Variants in SCHIP1 observed in about 807,000 individuals in gnomAD.
The protein encoded by SCHIP1 is schwannomin-interacting protein 1.
Under a neutral mutation model 29.7 loss-of-function variants are expected in SCHIP1, and 8 were observed. The observed-to-expected ratio is 0.27, with a 90% confidence interval of 0.16 to 0.49. SCHIP1 has a LOEUF of 0.49. SCHIP1 is among the 20% of genes least tolerant of loss of function. The pLI is 0.99. For missense variants in SCHIP1, 193 were observed against 294.6 expected (o/e 0.66, Z 2.52); for synonymous variants, 76 against 94.9 (o/e 0.80, Z 1.16).
chr3:159,334,211 T>C, the SCHIP1 span, among the ~76,000 whole-genome samples: 2 of 152,164 alleles, frequency 1.3e-5, no homozygotes, highest in African/African-American at 4.8e-5. Context: ...TGACAGATCA[T>C]CTGAAAGTGT....
the SCHIP1 span, among the ~76,000 whole-genome samples, chr3:159,787,244 T>C: frequency 3.3e-5 from 5 of 152,250 alleles, no homozygotes; most frequent in Non-Finnish European, 7.3e-5. Flanking sequence ...GGACTGAATA[T>C]AGGATACGAG....
At chr3:159,493,221 A>G in the SCHIP1 span, among the ~76,000 whole-genome samples, 1 of 152,250 alleles carries the variant, frequency 6.6e-6, no homozygotes, top group Admixed American at 6.5e-5. Flanking sequence ...AGCTAACATC[A>G]TAATGACAGG....
At chr3:159,806,168 C>G in the SCHIP1 span, among the ~76,000 whole-genome samples, 1 of 151,830 alleles carries the variant, frequency 6.6e-6, no homozygotes, top group Non-Finnish European at 1.5e-5. Flanking sequence ...GCATGTTATA[C>G]GAATGGGAAA....
chr3:159,625,493 CA>C, the SCHIP1 span, among the ~76,000 whole-genome samples: 13 of 152,160 alleles, frequency 8.5e-5, no homozygotes. Context: ...TCCTCTTTCT[CA>C]AAGAATATTA....
chr3:159,762,169 T>C, the SCHIP1 span, among the ~76,000 whole-genome samples: 1 of 152,186 alleles, frequency 6.6e-6, no homozygotes, highest in Non-Finnish European at 1.5e-5. Flanking sequence ...TCAAACCGTA[T>C]TTGGAGCACA....
the SCHIP1 span, among the ~76,000 whole-genome samples, chr3:159,596,725 C>G: frequency 2.0e-5 from 3 of 150,806 alleles, no homozygotes; most frequent in South Asian, 6.3e-4. Flanking sequence ...TGCAGGTTCT[C>G]ACTTATAGGT....
At chr3:159,367,310 T>A in the SCHIP1 span, among the ~76,000 whole-genome samples, 2 of 151,752 alleles carry the variant, frequency 1.3e-5, no homozygotes, top group African/African-American at 2.4e-5. Flanking sequence ...AAGAATTGCT[T>A]GAACCGGGGA....
chr3:159,324,270 A>T, the SCHIP1 span, among the ~76,000 whole-genome samples: 3 of 152,152 alleles, frequency 2.0e-5, no homozygotes, highest in Admixed American at 1.3e-4. Flanking sequence ...TTAGAAATAC[A>T]TTCCTGAAAG....
At chr3:159,279,667 C>A in the SCHIP1 span, among the ~76,000 whole-genome samples, 4,722 of 137,722 alleles carry the variant, frequency 0.034, 93 homozygotes, top group Non-Finnish European at 0.048. Context: ...CAGCCTTGAC[C>A]ATTGCTAATT....
chr3:159,427,761 A>C, the SCHIP1 span, among the ~76,000 whole-genome samples: 1 of 152,154 alleles, frequency 6.6e-6, no homozygotes, highest in South Asian at 2.1e-4. Flanking sequence ...AAAAGAACAA[A>C]GCTGGAGGCA....
the SCHIP1 span, among the ~76,000 whole-genome samples, chr3:159,594,543 A>G: frequency 2.0e-5 from 3 of 152,196 alleles, no homozygotes; most frequent in Admixed American, 1.3e-4. Flanking sequence ...CCACTAAACC[A>G]GCCATCAGTT....
chr3:159,476,556 C>T, the SCHIP1 span, among the ~76,000 whole-genome samples: 12 of 152,042 alleles, frequency 7.9e-5, no homozygotes, highest in African/African-American at 2.9e-4. Context: ...TATCAGTGTG[C>T]ACTATGAATA....
chr3:159,534,378 C>T, the SCHIP1 span, among the ~76,000 whole-genome samples: 2 of 152,056 alleles, frequency 1.3e-5, no homozygotes, highest in East Asian at 1.9e-4. Context: ...TGATTGCTAT[C>T]GCAGATAAAA....
chr3:159,428,695 G>A, the SCHIP1 span, among the ~76,000 whole-genome samples: 1 of 151,076 alleles, frequency 6.6e-6, no homozygotes, highest in Non-Finnish European at 1.5e-5. Flanking sequence ...CCCATTACTG[G>A]GTATATACCC....
the SCHIP1 span, among the ~76,000 whole-genome samples, chr3:159,825,337 C>T: frequency 1.3e-5 from 2 of 152,112 alleles, no homozygotes; most frequent in African/African-American, 4.8e-5. Flanking sequence ...CATCCATGTC[C>T]CTGAGGCACA....
At chr3:159,463,434 A>G in the SCHIP1 span, among the ~76,000 whole-genome samples, 3 of 152,080 alleles carry the variant, frequency 2.0e-5, no homozygotes, top group African/African-American at 7.2e-5. Context: ...GCTACTTGCC[A>G]AGTACTCTGT....
the SCHIP1 span, among the ~76,000 whole-genome samples, chr3:159,606,101 C>T: frequency 4.9e-4 from 75 of 152,292 alleles, no homozygotes; most frequent in Non-Finnish European, 9.8e-4. Context: ...GCAGAATTGG[C>T]AGTCTCTGCA....
At chr3:159,306,857 T>G in the SCHIP1 span, among the ~76,000 whole-genome samples, 1 of 152,214 alleles carries the variant, frequency 6.6e-6, no homozygotes, top group African/African-American at 2.4e-5. Flanking sequence ...ATGGTAATTC[T>G]TATACCTTCA....
At chr3:159,351,565 A>C in the SCHIP1 span, among the ~76,000 whole-genome samples, 1 of 151,924 alleles carries the variant, frequency 6.6e-6, no homozygotes, top group Non-Finnish European at 1.5e-5. Context: ...TTTCTATTTA[A>C]AATTTTTATC....
Sources: allele counts gnomAD v4.1 joint callset (sites outside exome capture counted in the v4.1 genomes callset), GRCh38; gene constraint gnomAD v4.1.1; transcripts MANE v1.5; gene names NCBI Gene and HGNC (gene_info 2026-07-23, HGNC 2026-07-21).